The following FAM117B variants were observed in gnomAD, a reference collection of about 807,000 sequenced individuals.
The protein encoded by FAM117B is family with sequence similarity 117 member B.
A neutral mutation model predicts 52.8 loss-of-function variants in FAM117B; 22 were observed. That is an observed-to-expected ratio of 0.42 (90% CI 0.30 to 0.59). FAM117B has a LOEUF of 0.59. FAM117B is among the 20% of genes least tolerant of loss of function. The pLI is 0.22. For missense variants in FAM117B, 678 were observed against 802.6 expected, an observed-to-expected ratio of 0.84 and a Z score of 1.88; for synonymous variants, 309 against 324.1, an observed-to-expected ratio of 0.95 and a Z score of 0.50.
At chr2:202,667,514 T>A (rs146619579) in intron 1 of FAM117B, among the ~76,000 whole-genome samples, 100 of 152,134 alleles carry the variant, frequency 6.6e-4, no homozygotes, top group African/African-American at 2.3e-3. Flanking sequence ...GTGCTGTCTC[T>A]TTTTCCATAG....
In FAM117B at chr2:202,757,392, G is replaced by C. The variant is rs2105799911; in HGVS notation, c.1284G>C (p.Glu428Asp). The change falls in exon 6 of 8, where the codon GAG (glutamate) becomes GAC (aspartate). Residue 428 changes from glutamate to aspartate, a missense_variant. This residue lies in a region of FAM117B where 583 missense variants were observed against 644.8 expected (regional missense o/e 0.90). Coordinates refer to ENST00000392238, the MANE Select transcript of FAM117B (RefSeq NM_173511.4). ...FLTISNEGSE[E>D]SPCSADDLLV... ...CCATTTCCAATGAAGGTAGCGAGGA[G>C]AGTCCTTGCTCAGCGGATGACCTGC... 1 of 1,614,092 alleles carries C rather than the reference G, an allele frequency of 6.2e-7. No homozygotes were observed. The highest frequency in any genetic ancestry group is 8.5e-7 in the Non-Finnish European group (1 of 1,180,036).
At chr2:202,742,664 A>G (rs2105794020) in intron 4 of FAM117B, among the ~76,000 whole-genome samples, 1 of 152,332 alleles carries the variant, frequency 6.6e-6, no homozygotes, top group South Asian at 2.1e-4. Context: ...AAAGGTTGAT[A>G]AGTTTAATTA....
chr2:202,756,136 G>A (rs900256616), intron 5 of FAM117B, among the ~76,000 whole-genome samples: 6 of 152,126 alleles, frequency 3.9e-5, no homozygotes, highest in African/African-American at 2.4e-5. Flanking sequence ...AAATTATCTG[G>A]CTGTGCACAG....
chr2:202,765,213 A>G (rs151046298), intron 7 of FAM117B, among the ~76,000 whole-genome samples: 35 of 152,284 alleles, frequency 2.3e-4, no homozygotes, highest in African/African-American at 6.7e-4. Flanking sequence ...GAAAGCAGCA[A>G]TGATGATGGG....
intron 1 of FAM117B, among the ~76,000 whole-genome samples, chr2:202,645,291 T>G (rs1024343708): frequency 1.3e-4 from 19 of 150,194 alleles, no homozygotes; most frequent in Admixed American, 4.0e-4. Flanking sequence ...TTCTTTTTTT[T>G]TTTGTTTGTC....
intron 2 of FAM117B, among the ~76,000 whole-genome samples, chr2:202,704,846 C>T (rs1194201689): frequency 6.6e-6 from 1 of 151,990 alleles, no homozygotes; most frequent in African/African-American, 2.4e-5. Flanking sequence ...GGTAATCCGC[C>T]TGCCTCAGCC....
intron 4 of FAM117B, among the ~76,000 whole-genome samples, chr2:202,745,631 G>A (rs1224964457): frequency 2.0e-5 from 3 of 152,152 alleles, no homozygotes; most frequent in Non-Finnish European, 2.9e-5. Flanking sequence ...AATGTAAATG[G>A]CTTTAATTAG....
chr2:202,646,351 T>C (rs950054940), intron 1 of FAM117B, among the ~76,000 whole-genome samples: 1 of 152,216 alleles, frequency 6.6e-6, no homozygotes, highest in African/African-American at 2.4e-5. Flanking sequence ...AAATGCTGAT[T>C]AAATGTTTTC....
At chr2:202,639,051 C>G (rs1384276548) in intron 1 of FAM117B, among the ~76,000 whole-genome samples, 1 of 152,132 alleles carries the variant, frequency 6.6e-6, no homozygotes, top group African/African-American at 2.4e-5. Context: ...CGTCAGAGTC[C>G]CTTTTTCATT....
intron 1 of FAM117B, among the ~76,000 whole-genome samples, chr2:202,654,092 A>AGAGAGAGT (rs1483684886): frequency 6.7e-6 from 1 of 149,216 alleles, no homozygotes; most frequent in Non-Finnish European, 1.5e-5. Flanking sequence ...AGAGAGAGAG[A>AGAGAGAGT]GAGAGTGAGA....
chr2:202,703,505 CCACTATGCCCAG>C (rs1020473507), intron 2 of FAM117B, among the ~76,000 whole-genome samples: 5 of 151,982 alleles, frequency 3.3e-5, no homozygotes, highest in Admixed American at 2.0e-4. Flanking sequence ...TGGGCTTGCA[CCACTATGCCCAG>C]CTAGTTTTTT....
chr2:202,737,527 A>G (rs1389988569), intron 4 of FAM117B, among the ~76,000 whole-genome samples: 1 of 152,174 alleles, frequency 6.6e-6, no homozygotes, highest in Non-Finnish European at 1.5e-5. Context: ...ACAGTATGTA[A>G]TCGTTTGAGA....
intron 4 of FAM117B, among the ~76,000 whole-genome samples, chr2:202,742,952 C>T (rs192637240): frequency 2.0e-5 from 3 of 152,318 alleles, no homozygotes; most frequent in East Asian, 1.9e-4. Flanking sequence ...CAAACCACCT[C>T]GGGGCCTGGA....
intron 4 of FAM117B, among the ~76,000 whole-genome samples, chr2:202,739,255 A>G (rs1261464549): frequency 6.6e-6 from 1 of 152,164 alleles, no homozygotes; most frequent in Non-Finnish European, 1.5e-5. Flanking sequence ...TTGAATGTTA[A>G]TATTTTGTTA....
chr2:202,717,679 G>C (rs1025430632), intron 2 of FAM117B, among the ~76,000 whole-genome samples: 92 of 152,138 alleles, frequency 6.0e-4, no homozygotes, highest in African/African-American at 2.1e-3. Context: ...TCTCTGTTCT[G>C]AGCCCCCTGG....
At chr2:202,645,588 A>G (rs982878417) in intron 1 of FAM117B, among the ~76,000 whole-genome samples, 3 of 129,254 alleles carry the variant, frequency 2.3e-5, no homozygotes, top group Non-Finnish European at 4.9e-5. Flanking sequence ...TGCGCCCGGC[A>G]GCCTGTTTTT....
chr2:202,699,344 TTGA>T (rs1394875456), intron 2 of FAM117B, among the ~76,000 whole-genome samples: 411 of 147,304 alleles, frequency 2.8e-3, no homozygotes, highest in Non-Finnish European at 3.6e-3. Flanking sequence ...GGAGAATTGC[TTGA>T]ACCCGGGAGG....
intron 1 of FAM117B, among the ~76,000 whole-genome samples, chr2:202,658,558 T>A (rs1690083507): frequency 6.6e-6 from 1 of 152,142 alleles, no homozygotes. Flanking sequence ...CGTTTTGACC[T>A]CCCAAGGTGT....
intron 2 of FAM117B, among the ~76,000 whole-genome samples, chr2:202,702,142 C>T (rs1387575289): frequency 6.6e-6 from 1 of 152,148 alleles, no homozygotes; most frequent in Non-Finnish European, 1.5e-5. Flanking sequence ...CCTGTAATCC[C>T]AGTACTTTGG....
Sources: gnomAD v4.1 joint callset for allele counts (sites outside exome capture counted in the v4.1 genomes callset) on GRCh38, gnomAD v4.1.1 for gene constraint, gnomAD v4.1.1 regional missense constraint, MANE v1.5 for transcripts, NCBI Gene and HGNC (gene_info 2026-07-23, HGNC 2026-07-21) for gene names.